ARL15: variants seen among roughly 807,000 people sequenced by gnomAD.
ARL15 encodes ADP-ribosylation factor-like protein 15.
In ARL15, 19 loss-of-function variants were observed where a neutral mutation model predicts 25.2. That is an observed-to-expected ratio of 0.75 (90% confidence interval 0.53 to 1.10). ARL15 has a LOEUF of 1.10. Among genes scored for constraint, ARL15 ranks in the 50% least tolerant of loss-of-function variants. The pLI is 0.00. For synonymous variants in ARL15, 94 were observed against 86.8 expected, an observed-to-expected ratio of 1.08 and a Z score of -0.46; for missense variants, 220 against 246.0, an observed-to-expected ratio of 0.89 and a Z score of 0.71.
At chr5:54,104,282 G>A (rs973358549) in intron 4 of ARL15, among the ~76,000 whole-genome samples, 2 of 152,028 alleles carry the variant, frequency 1.3e-5, no homozygotes, top group Non-Finnish European at 2.9e-5. Flanking sequence ...ATTCTCTTGA[G>A]GTCTTTTATT....
intron 3 of ARL15, among the ~76,000 whole-genome samples, chr5:54,145,441 T>TA (rs1264617318): frequency 6.6e-6 from 1 of 152,248 alleles, no homozygotes; most frequent in Non-Finnish European, 1.5e-5. Context: ...AGAATCAATC[T>TA]AGTCTGTTAA....
intron 2 of ARL15, among the ~76,000 whole-genome samples, chr5:54,167,506 T>C (rs77990811): frequency 3.0e-4 from 46 of 152,324 alleles, no homozygotes; most frequent in Non-Finnish European, 5.9e-4. Context: ...ATTGTTGCTT[T>C]GTATATTTCA....
intron 4 of ARL15, among the ~76,000 whole-genome samples, chr5:54,001,600 G>T (rs1027177163): frequency 1.3e-5 from 2 of 152,120 alleles, no homozygotes; most frequent in Non-Finnish European, 2.9e-5. Context: ...TTGTTTTTAA[G>T]GGCTTTATTT....
chr5:53,889,032 T>G (rs368741136), intron 4 of ARL15, among the ~76,000 whole-genome samples: 1 of 152,184 alleles, frequency 6.6e-6, no homozygotes, highest in Non-Finnish European at 1.5e-5. Context: ...AAGGAAGTTG[T>G]GTCCCTGATA....
chr5:54,218,639 G>C (rs965506914), intron 1 of ARL15, among the ~76,000 whole-genome samples: 1 of 152,114 alleles, frequency 6.6e-6, no homozygotes, highest in African/African-American at 2.4e-5. Context: ...TGGGGAAGTC[G>C]TGGGGCACAC....
intron 2 of ARL15, 91 bp downstream of exon 2, chr5:54,171,693 A>G: frequency 7.2e-6 from 10 of 1,383,476 alleles, no homozygotes; most frequent in Non-Finnish European, 9.7e-6. Flanking sequence ...GCATTAAACT[A>G]TAAGTAGAAG....
chr5:54,038,725 C>CAT (rs370309855), intron 4 of ARL15, among the ~76,000 whole-genome samples: 2,828 of 149,248 alleles, frequency 0.019, 59 homozygotes, highest in East Asian at 0.11. Context: ...TATTTGTAAA[C>CAT]ATATATATAT....
chr5:54,276,179 A>C (rs1757925361), intron 1 of ARL15, among the ~76,000 whole-genome samples: 1 of 152,230 alleles, frequency 6.6e-6, no homozygotes, highest in Non-Finnish European at 1.5e-5. Context: ...GTGATTATGC[A>C]GAATTTATGT....
At chr5:54,008,807 G>A (rs1307334973) in intron 4 of ARL15, among the ~76,000 whole-genome samples, 1 of 152,058 alleles carries the variant, frequency 6.6e-6, no homozygotes, top group Non-Finnish European at 1.5e-5. Flanking sequence ...CTTTCCTCTG[G>A]TAGATTAAAA....
chr5:54,190,184 A>G (rs1478947430), intron 1 of ARL15, among the ~76,000 whole-genome samples: 2 of 152,090 alleles, frequency 1.3e-5, no homozygotes, highest in African/African-American at 2.4e-5. Context: ...TGAGGTCAGG[A>G]GTTCGAGACC....
chr5:53,900,843 G>A (rs960201402), intron 4 of ARL15, among the ~76,000 whole-genome samples: 3 of 152,006 alleles, frequency 2.0e-5, no homozygotes, highest in African/African-American at 4.8e-5. Flanking sequence ...ATATGCCTAC[G>A]GGCAGCTGCA....
chr5:53,892,829 C>T (rs1744762880), intron 4 of ARL15, among the ~76,000 whole-genome samples: 1 of 152,026 alleles, frequency 6.6e-6, no homozygotes, highest in African/African-American at 2.4e-5. Context: ...TGGTCTTGAA[C>T]TCCTGGCCTC....
intron 4 of ARL15, among the ~76,000 whole-genome samples, chr5:53,951,895 A>G: frequency 6.9e-6 from 1 of 144,538 alleles, no homozygotes; most frequent in Non-Finnish European, 1.5e-5. Context: ...TTTGGGGAAT[A>G]ACTCAAATTC....
At chr5:53,898,589 T>G (rs915944934) in intron 4 of ARL15, among the ~76,000 whole-genome samples, 1 of 152,120 alleles carries the variant, frequency 6.6e-6, no homozygotes, top group Non-Finnish European at 1.5e-5. Context: ...CAAACAATTT[T>G]TTTAATTGTA....
intron 3 of ARL15, among the ~76,000 whole-genome samples, chr5:54,142,409 A>C (rs1444623861): frequency 6.6e-6 from 1 of 152,182 alleles, no homozygotes; most frequent in African/African-American, 2.4e-5. Context: ...TGGGGAACTA[A>C]GTAATTCCTA....
intron 1 of ARL15, among the ~76,000 whole-genome samples, chr5:54,176,859 T>G (rs979455189): frequency 4.6e-5 from 7 of 152,192 alleles, no homozygotes; most frequent in Non-Finnish European, 1.0e-4. Context: ...CAAGGTATCT[T>G]AAGTGACAGT....
chr5:54,128,135 T>C (rs973871042), intron 3 of ARL15, among the ~76,000 whole-genome samples: 9 of 152,348 alleles, frequency 5.9e-5, no homozygotes, highest in African/African-American at 1.9e-4. Context: ...GCTACACTTA[T>C]GGCTTACCTA....
intron 3 of ARL15, among the ~76,000 whole-genome samples, chr5:54,141,189 A>G (rs1579841199): frequency 6.6e-6 from 1 of 152,276 alleles, no homozygotes; most frequent in East Asian, 1.9e-4. Context: ...AGACAGATCA[A>G]TCTGTCTTCT....
chr5:54,168,905 G>T (rs1378335620), intron 2 of ARL15, among the ~76,000 whole-genome samples: 1 of 152,146 alleles, frequency 6.6e-6, no homozygotes, highest in African/African-American at 2.4e-5. Context: ...CAATATATGT[G>T]AACTGTTTTT....
Sources: gnomAD v4.1 joint callset for allele counts (sites outside exome capture counted in the v4.1 genomes callset) on GRCh38, gnomAD v4.1.1 for gene constraint, MANE v1.5 for transcripts, NCBI Gene and HGNC (gene_info 2026-07-23, HGNC 2026-07-21) for gene names.